MYLK4: variants seen among roughly 807,000 people sequenced by gnomAD.
MYLK4 encodes the protein caMLCK like.
Under a neutral mutation model 48.1 loss-of-function variants are expected in MYLK4, and 46 were observed. The ratio of observed to expected loss-of-function variants is 0.96; its 90% CI spans 0.75 to 1.22. The LOEUF (loss-of-function observed/expected upper bound fraction) is 1.22. MYLK4 is among the 50% of genes most tolerant of loss of function. MYLK4 has a pLI of 0.00. For missense variants in MYLK4, 451 were observed against 486.1 expected (o/e 0.93, Z 0.68); for synonymous variants, 170 against 180.8 (o/e 0.94, Z 0.48).
At chr6:2,723,857 T>G (rs1272476340) in intron 2 of MYLK4, among the ~76,000 whole-genome samples, 1 of 152,064 alleles carries the variant, frequency 6.6e-6, no homozygotes, top group African/African-American at 2.4e-5. Flanking sequence ...CTTTGGTGAT[T>G]GATTATTTTA....
At chr6:2,691,716 T>A (rs1442670877) in intron 3 of MYLK4, among the ~76,000 whole-genome samples, 1 of 152,238 alleles carries the variant, frequency 6.6e-6, no homozygotes, top group East Asian at 1.9e-4. Flanking sequence ...AAATACTGAT[T>A]CCTGTGGGCA....
intron 2 of MYLK4, among the ~76,000 whole-genome samples, chr6:2,715,260 C>A (rs199509392): frequency 3.2e-3 from 455 of 142,078 alleles, no homozygotes; most frequent in Middle Eastern, 3.5e-3. Flanking sequence ...GACTCCGTTT[C>A]AAAAAAAAAA....
At chr6:2,704,270 T>C (rs1448722839) in intron 2 of MYLK4, among the ~76,000 whole-genome samples, 2 of 152,160 alleles carry the variant, frequency 1.3e-5, no homozygotes, top group African/African-American at 4.8e-5. Flanking sequence ...CTTTATTACA[T>C]CCTCCTCAGC....
chr6:2,728,500 T>G (rs141609647), intron 2 of MYLK4, among the ~76,000 whole-genome samples: 1 of 152,170 alleles, frequency 6.6e-6, no homozygotes, highest in Non-Finnish European at 1.5e-5. Flanking sequence ...CCGACCTGCC[T>G]TGGCATCCTC....
At chr6:2,668,508 A>T (rs1760751116) in intron 12 of MYLK4, among the ~76,000 whole-genome samples, 1 of 152,214 alleles carries the variant, frequency 6.6e-6, no homozygotes, top group African/African-American at 2.4e-5. Context: ...GGAGACATAT[A>T]TGCCTCAGTT....
the MYLK4 span, among the ~76,000 whole-genome samples, chr6:2,762,529 A>G: frequency 6.6e-6 from 1 of 152,234 alleles, no homozygotes; most frequent in South Asian, 2.1e-4. Context: ...GTTTAAAATC[A>G]GTGTACTGTA....
At chr6:2,764,082 A>C in the MYLK4 span, among the ~76,000 whole-genome samples, 1 of 152,224 alleles carries the variant, frequency 6.6e-6, no homozygotes, top group South Asian at 2.1e-4. Flanking sequence ...CCGTGAGCTG[A>C]GATTGCGCCA....
chr6:2,680,357 C>G (rs1277575261), intron 7 of MYLK4, 66 bp from the exon 8 acceptor site: 1 of 1,606,168 alleles, frequency 6.2e-7, no homozygotes, highest in Non-Finnish European at 8.5e-7. Flanking sequence ...GTCCTTGAAC[C>G]ACAACTAAAA....
At position 2,723,852 on chromosome 6, in the gene MYLK4, GTGAT is replaced by G. The variant is rs966267961; in HGVS notation, c.159+25280_159+25283del. On this transcript the variant is annotated intron_variant, in intron 2 of 12. Coordinates refer to ENST00000274643, the MANE Select transcript of MYLK4 (RefSeq NM_001012418.5). ...TCTAATGCCCTTCACAACGGCTTTG[GTGAT>G]TGATTATTTTATTTTATTTTATTTT... Among the ~76,000 whole-genome samples the G allele has an allele frequency of 5.3e-5, 8 of 152,030 alleles. 1 individual carries two copies.
rs1177297808 is a variant in MYLK4 at position 2,665,074 on chromosome 6, C to A, written c.*2851G>T. ...GGAACTGCCTAGTGAGTGAGCAAAG[C>A]CATACCATCCATTAAGAGGGTGGAG... On this transcript the variant is annotated 3_prime_UTR_variant, in exon 13 of 13. Transcript: ENST00000274643. 6.6e-6 allele frequency: 1 copy of A among 152,238 alleles called. No homozygotes were observed. 9.4% of individuals were successfully genotyped at this position (152,238 alleles called of 1,614,324 possible).
At chr6:2,699,287 C>CTTTTCTTT (rs1193027641) in intron 2 of MYLK4, among the ~76,000 whole-genome samples, 2 of 77,892 alleles carry the variant, frequency 2.6e-5, no homozygotes, top group African/African-American at 1.1e-4. Context: ...CTTTTCTTTT[C>CTTTTCTTT]TTTTTTTTTT....
At chr6:2,688,278 C>T (rs994463227) in intron 4 of MYLK4, among the ~76,000 whole-genome samples, 13 of 152,066 alleles carry the variant, frequency 8.5e-5, no homozygotes, top group Admixed American at 3.3e-4. Flanking sequence ...AGGATGGTCT[C>T]GAACTCCTGA....
At chr6:2,744,469 A>G (rs895149744) in intron 2 of MYLK4, among the ~76,000 whole-genome samples, 9 of 152,176 alleles carry the variant, frequency 5.9e-5, no homozygotes, top group Non-Finnish European at 1.2e-4. Context: ...AACTTGAAAA[A>G]TCACAAAACC....
chr6:2,713,923 A>G (rs1448453445), intron 2 of MYLK4, among the ~76,000 whole-genome samples: 2 of 152,202 alleles, frequency 1.3e-5, no homozygotes, highest in East Asian at 3.8e-4. Context: ...TCTTGGGTGA[A>G]AAATAATACA....
In MYLK4 at chr6:2,685,249, A is replaced by G. The variant is rs1161548961; in HGVS notation, c.545+47T>C. 2.1e-6 allele frequency: 3 copies of G among 1,419,292 alleles called. No individual in the cohort carries two copies. In the Admixed American group the frequency reaches 5.1e-5, roughly 24 times the overall value. 87.9% of individuals were successfully genotyped at this position (1,419,292 alleles called of 1,614,324 possible). ...GAGCTACTGAGGCACGGTCACGGTC[A>G]TGAGTGCCCTTGGGGAGGTCAGGGA... On this transcript the variant is annotated intron_variant, in intron 6 of 12. Coordinates refer to ENST00000274643, the MANE Select transcript of MYLK4 (RefSeq NM_001012418.5). This position sits in a 1 kb window ranked among gnomAD's most constrained non-coding sequence, Gnocchi z 4.5.
Position 2,707,487 on chromosome 6 carries a change from G to A in MYLK4, c.160-14628C>T, listed in dbSNP as rs534141766. Among the ~76,000 whole-genome samples the A allele has an allele frequency of 2.5e-4, 38 of 152,156 alleles. 1 individual carries two copies. The highest frequency in any genetic ancestry group is 7.5e-4 in the African/African-American group (31 of 41,512). On this transcript the variant is annotated intron_variant, in intron 2 of 12. Transcript: ENST00000274643. ...AGTCAAATCGCAACATGAAAAGTTC[G>A]CATGCTATTACTTTGCTGTTGTTCA...
intron 2 of MYLK4, among the ~76,000 whole-genome samples, chr6:2,741,663 A>C (rs769055136): frequency 6.6e-6 from 1 of 152,250 alleles, no homozygotes; most frequent in South Asian, 2.1e-4. Context: ...TATTTCAAAG[A>C]CAATAGTTTG....
chr6:2,714,675 T>C (rs542077407), intron 2 of MYLK4, among the ~76,000 whole-genome samples: 4 of 152,220 alleles, frequency 2.6e-5, no homozygotes, highest in African/African-American at 9.7e-5. Context: ...TCATAGCAGC[T>C]TACTCACAAT....
At chr6:2,747,893 T>C (rs1582132371) in intron 2 of MYLK4, among the ~76,000 whole-genome samples, 1 of 152,256 alleles carries the variant, frequency 6.6e-6, no homozygotes, top group East Asian at 1.9e-4. Flanking sequence ...TAATTTTGCC[T>C]GTAGATATTT....
Sources: allele counts gnomAD v4.1 joint callset (sites outside exome capture counted in the v4.1 genomes callset), GRCh38; gene constraint gnomAD v4.1.1; non-coding constraint Gnocchi (gnomAD v3.1); transcripts MANE v1.5; gene names NCBI Gene and HGNC (gene_info 2026-07-23, HGNC 2026-07-21).